The following SEMA4D variants were observed in gnomAD, a reference collection of about 807,000 sequenced individuals.
SEMA4D encodes the protein semaphorin 4D.
SEMA4D carries 22 observed loss-of-function variants against 74.8 expected under a neutral mutation model. The ratio of observed to expected loss-of-function variants is 0.29; its 90% CI spans 0.21 to 0.42. The LOEUF is 0.42. Among genes scored for constraint, SEMA4D ranks in the 10% least tolerant of loss-of-function variants. The probability of loss-of-function intolerance (pLI) is 1.00; values close to 1 mark genes in which losing one functional copy is unlikely to be tolerated. For missense variants in SEMA4D, 937 were observed against 1,118.4 expected (o/e 0.84, Z 2.31); for synonymous variants, 445 against 463.7 (o/e 0.96, Z 0.52).
intron 6 of SEMA4D, among the ~76,000 whole-genome samples, chr9:89,396,449 T>C (rs1840981260): frequency 6.6e-6 from 1 of 152,214 alleles, no homozygotes; most frequent in Non-Finnish European, 1.5e-5. Flanking sequence ...CTCCATGGCA[T>C]GCTCTGCACT....
At chr9:89,361,003 C>T (rs984757278) in exon 19 of SEMA4D, 17 of 152,216 alleles carry the variant, frequency 1.1e-4, no homozygotes, top group African/African-American at 4.1e-4. Context: ...CATAGCATTT[C>T]ACTCATCAGT....
chr9:89,388,025 A>T (rs1399577859), intron 11 of SEMA4D, among the ~76,000 whole-genome samples: 2 of 152,216 alleles, frequency 1.3e-5, no homozygotes, highest in Non-Finnish European at 2.9e-5. Context: ...TAGCTCCCTG[A>T]TGTGTGTAAA....
At position 89,377,791 on chromosome 9, in the gene SEMA4D, T is replaced by C. The variant is rs1564518050; in HGVS notation, c.*913A>G. On this transcript the variant is annotated 3_prime_UTR_variant, in exon 16 of 16. Transcript: ENST00000422704. Reference sequence around the variant, plus strand: ...TTGTACCGCACTCCCATCTCAGCTCTGGGCCAGCCTGGCTCCACTCAGCTC... The same window carrying C: ...TTGTACCGCACTCCCATCTCAGCTCCGGGCCAGCCTGGCTCCACTCAGCTC... 6.6e-6 allele frequency: 1 copy of C among 152,146 alleles called. No individual in the cohort carries two copies. The highest frequency in any genetic ancestry group is 1.5e-5 in the Non-Finnish European group (1 of 68,032). The allele number at this position is 152,146 out of a possible 1,614,324, so 9.4% of individuals were successfully genotyped here. A position where few individuals can be genotyped will look rare whatever the true frequency, so the allele number is the denominator to read the frequency against.
At chr9:89,461,700 C>CTTTTTTTTTTTTTTTTTT (rs61696689) in intron 1 of SEMA4D, among the ~76,000 whole-genome samples, 12 of 103,654 alleles carry the variant, frequency 1.2e-4, no homozygotes, top group African/African-American at 3.8e-4. Flanking sequence ...TCTTTTTTCT[C>CTTTTTTTTTTTTTTTTTT]TTTTTTTTTT....
At position 89,461,700 on chromosome 9, in the gene SEMA4D, C is replaced by CTCTTTTTTTT. The variant is rs71281350; in HGVS notation, c.-309-5748_-309-5747insAAAAAAAAGA. 5.3e-3 allele frequency among the ~76,000 whole-genome samples: 553 copies of CTCTTTTTTTT among 103,572 alleles called. 15 individuals are homozygous for CTCTTTTTTTT. Among genetic ancestry groups the CTCTTTTTTTT allele is most frequent in the African/African-American group, 8.5e-3 (245 of 28,804 alleles). The allele number at this position is 103,572 out of a possible 152,430, so 67.9% of individuals were successfully genotyped here. ...GGGCCAATGTGTATTTCTTTTTTCT[C>CTCTTTTTTTT]TTTTTTTTTTTTTTTTTTTGGAGAC... is the stretch of plus-strand genomic sequence containing the variant. On this transcript the variant is annotated intron_variant, in intron 1 of 15. Coordinates refer to ENST00000422704, the MANE Select transcript of SEMA4D (RefSeq NM_001371194.2).
At chr9:89,444,406 C>A (rs908287943) in intron 2 of SEMA4D, among the ~76,000 whole-genome samples, 2 of 152,194 alleles carry the variant, frequency 1.3e-5, no homozygotes, top group Non-Finnish European at 2.9e-5. Context: ...GGGACTCCTC[C>A]CAGCTATCAG....
At chr9:89,368,223 G>C (rs1021815581) in intron 16 of SEMA4D, 2 of 152,376 alleles carry the variant, frequency 1.3e-5, no homozygotes, top group Non-Finnish European at 2.9e-5. Flanking sequence ...TCACATCCAG[G>C]TGGCCTTCCT....
intron 2 of SEMA4D, among the ~76,000 whole-genome samples, chr9:89,422,878 T>C (rs1427810552): frequency 1.3e-5 from 2 of 152,236 alleles, no homozygotes; most frequent in Non-Finnish European, 2.9e-5. Context: ...TGAAATCTCT[T>C]AATAAAGTTA....
At chr9:89,452,173 G>GTTTTTTT (rs1362131550) in intron 2 of SEMA4D, among the ~76,000 whole-genome samples, 1 of 62,344 alleles carries the variant, frequency 1.6e-5, no homozygotes, top group African/African-American at 7.6e-5. Flanking sequence ...TCCTGTCTTG[G>GTTTTTTT]TTTTTTTTGT....
chr9:89,465,769 T>C (rs1858525382), intron 1 of SEMA4D, among the ~76,000 whole-genome samples: 1 of 152,256 alleles, frequency 6.6e-6, no homozygotes, highest in African/African-American at 2.4e-5. Flanking sequence ...ATTATTTGCA[T>C]TGCCTTCGGA....
chr9:89,400,849 A>G (rs1587596219), intron 4 of SEMA4D, among the ~76,000 whole-genome samples: 1 of 152,270 alleles, frequency 6.6e-6, no homozygotes, highest in Non-Finnish European at 1.5e-5. Flanking sequence ...CCATGGTGTC[A>G]TTAACAGAGC....
At chr9:89,371,949 T>TCTGG (rs1194737237) in intron 16 of SEMA4D, among the ~76,000 whole-genome samples, 3 of 119,280 alleles carry the variant, frequency 2.5e-5, no homozygotes, top group Non-Finnish European at 3.5e-5. Flanking sequence ...GTGGTGTGTG[T>TCTGG]GGGGTGTGGT....
Position 89,378,804 on chromosome 9 carries a change from C to G in SEMA4D, c.2489G>C (p.Arg830Thr), listed in dbSNP as rs1271923444. ...DTITSKVPTD[R>T]EDSQRIDDLS... ...GTCGTCGATCCTCTGTGAGTCCTCC[C>G]TATCCGTGGGGACTTTGCTGGTGAT... Residue 830 changes from arginine to threonine, a missense_variant, in exon 16 of 16, where the codon AGG becomes ACG. Coordinates refer to ENST00000422704, the MANE Select transcript of SEMA4D (RefSeq NM_001371194.2). 5 of 1,614,208 alleles carry G rather than the reference C, an allele frequency of 3.1e-6. No individual in the cohort carries two copies. The highest frequency in any genetic ancestry group is 4.2e-6 in the Non-Finnish European group (5 of 1,180,032).
exon 17 of SEMA4D, chr9:89,363,826 G>C: frequency 6.2e-7 from 1 of 1,614,138 alleles, no homozygotes; most frequent in East Asian, 2.2e-5. Context: ...CGCTTTCCCT[G>C]ATGGCGTCCT....
intron 9 of SEMA4D, among the ~76,000 whole-genome samples, chr9:89,390,677 G>A (rs145238981): frequency 2.1e-3 from 316 of 152,268 alleles, no homozygotes; most frequent in African/African-American, 6.9e-3. Context: ...GGGACATGGC[G>A]GCTGTGTTTC....
Position 89,402,875 on chromosome 9 carries a change from T to G in SEMA4D, c.248A>C (p.His83Pro). 6.2e-7 allele frequency: 1 copy of G among 1,613,412 alleles called. No individual in the cohort carries two copies. The highest frequency in any genetic ancestry group is 8.5e-7 in the Non-Finnish European group (1 of 1,179,434). ...VNALNISEKQ[H>P]EVYWKVSEDK... ...GCAGGGGAGCCCAGGACGTACCTCA[T>G]GCTGCTTCTCGGAGATGTTGAGTGC... is the stretch of plus-strand genomic sequence containing the variant. The change falls in exon 4 of 16, where the codon CAT becomes CCT. Residue 83 changes from histidine to proline, a missense_variant. Transcript: ENST00000422704.
chr9:89,372,393 GGGGGTGTGTGTGTGTCT>G (rs1176133234), downstream of SEMA4D, among the ~76,000 whole-genome samples: 500 of 133,230 alleles, frequency 3.8e-3, 2 homozygotes, highest in African/African-American at 0.011. Flanking sequence ...GTGGTGTGTC[GGGGGTGTGTGTGTGTCT>G]GGGGTGTGGT....
intron 7 of SEMA4D, among the ~76,000 whole-genome samples, chr9:89,393,295 G>T (rs1485917473): frequency 6.6e-6 from 1 of 152,246 alleles, no homozygotes; most frequent in Non-Finnish European, 1.5e-5. Context: ...TCAAACAGGA[G>T]CATCTGCTCA....
chr9:89,493,421 C>T (rs976736344), intron 1 of SEMA4D, among the ~76,000 whole-genome samples: 28 of 152,332 alleles, frequency 1.8e-4, no homozygotes, highest in African/African-American at 5.0e-4. Flanking sequence ...AGCCCTGCTG[C>T]AGCACTGGGC....
Sources: allele counts gnomAD v4.1 joint callset (sites outside exome capture counted in the v4.1 genomes callset), GRCh38; gene constraint gnomAD v4.1.1; transcripts MANE v1.5; gene names NCBI Gene and HGNC (gene_info 2026-07-23, HGNC 2026-07-21).